The following GPT2 variants were observed in gnomAD, a reference collection of about 807,000 sequenced individuals.
GPT2 encodes the protein alanine aminotransferase 2.
A neutral mutation model predicts 56.9 loss-of-function variants in GPT2; 30 were observed. That is an observed-to-expected ratio of 0.53 (90% confidence interval 0.39 to 0.72). The LOEUF is 0.72. Ranked by LOEUF, GPT2 falls within the 30% of genes least tolerant of loss-of-function variation. The probability of loss-of-function intolerance (pLI) is 0.00; values close to 1 mark genes in which losing one functional copy is unlikely to be tolerated. For synonymous variants in GPT2, 271 were observed against 283.1 expected, an observed-to-expected ratio of 0.96 and a Z score of 0.43; for missense variants, 542 against 703.4, an observed-to-expected ratio of 0.77 and a Z score of 2.60.
intron 5 of GPT2, among the ~76,000 whole-genome samples, chr16:46,907,664 C>G (rs1422821790): frequency 6.6e-6 from 1 of 152,136 alleles, no homozygotes; most frequent in Non-Finnish European, 1.5e-5. Context: ...CGTGGGCTGG[C>G]AAGGCAGCTG....
chr16:46,893,782 A>G (rs1055990820), intron 2 of GPT2, among the ~76,000 whole-genome samples: 3 of 151,794 alleles, frequency 2.0e-5, no homozygotes, highest in Non-Finnish European at 4.4e-5. Flanking sequence ...TCTGGGAGGG[A>G]TATGTGCAGG....
chr16:46,901,786 C>T (rs1479310533), intron 4 of GPT2, among the ~76,000 whole-genome samples: 1 of 152,220 alleles, frequency 6.6e-6, no homozygotes, highest in African/African-American at 2.4e-5. Context: ...CCTGCCCTCC[C>T]TTTGAGTCTG....
rs1357874497 is a variant in GPT2 at position 46,931,048 on chromosome 16, C to G, written c.*2051C>G. ...TGAAGTTTCTGTCATTCGTCCAGAT[C>G]TGTGTGTGTAGCATGTGCTGAGGAA... On this transcript the variant is annotated 3_prime_UTR_variant, in exon 12 of 12. Coordinates refer to ENST00000340124, the MANE Select transcript of GPT2 (RefSeq NM_133443.4). 6.6e-6 allele frequency: 1 copy of G among 152,302 alleles called. No homozygotes were observed. The highest frequency in any genetic ancestry group is 1.5e-5 in the Non-Finnish European group (1 of 68,044). The allele number at this position is 152,302 out of a possible 1,614,324, so 9.4% of individuals were successfully genotyped here.
rs946232554 is a variant in GPT2, at chr16:46,918,884, G to T, written c.1037+127G>T. On this transcript the variant is annotated intron_variant, in intron 8 of 11. Coordinates refer to ENST00000340124, the MANE Select transcript of GPT2 (RefSeq NM_133443.4). ...AAGGCTGCCCTTATCTGTTGCTTCT[G>T]CTGCATCTCCCCAGTGGGAGAGCCG... 3 of 1,150,366 alleles carry T rather than the reference G, an allele frequency of 2.6e-6. No homozygotes were observed. The African/African-American group carries it at 4.6e-5, about 18-fold the overall frequency. The allele number at this position is 1,150,366 out of a possible 1,614,324, so 71.3% of individuals were successfully genotyped here. A position where few individuals can be genotyped will look rare whatever the true frequency, so the allele number is the denominator to read the frequency against.
intron 6 of GPT2, among the ~76,000 whole-genome samples, chr16:46,913,614 T>C (rs899397418): frequency 6.6e-6 from 1 of 152,252 alleles, no homozygotes; most frequent in African/African-American, 2.4e-5. Context: ...GAAATTCTAA[T>C]GGAATCATGC....
intron 5 of GPT2, 150 bp downstream of exon 5, chr16:46,907,125 CTT>C: frequency 1.0e-6 from 1 of 973,972 alleles, no homozygotes; most frequent in Non-Finnish European, 1.5e-6. Context: ...AGCCTGCAGT[CTT>C]TGCCTCTTTT....
chr16:46,885,435 CCA>C (rs1960465358), intron 2 of GPT2: 1 of 972,000 alleles, frequency 1.0e-6, no homozygotes, highest in Non-Finnish European at 1.2e-6. Flanking sequence ...GTTCTGTTCC[CCA>C]GTCTCTTTCT....
chr16:46,908,523 C>T (rs1486847308), intron 5 of GPT2, among the ~76,000 whole-genome samples: 1 of 152,202 alleles, frequency 6.6e-6, no homozygotes, highest in Non-Finnish European at 1.5e-5. Flanking sequence ...GGCTTTGTTT[C>T]CTGACCTGTA....
At chr16:46,897,824 A>G (rs1233501503) in intron 3 of GPT2, 87 bp downstream of exon 3, 2 of 1,122,474 alleles carry the variant, frequency 1.8e-6, no homozygotes, top group Admixed American at 1.9e-5. Flanking sequence ...TGCCCCCTCG[A>G]TGTCCAGGCC....
chr16:46,885,105 C>G, intron 2 of GPT2, 147 bp downstream of exon 2: 1 of 1,351,694 alleles, frequency 7.4e-7, no homozygotes, highest in Non-Finnish European at 9.5e-7. Context: ...AGAATGCCCC[C>G]TCCCGCCCGT....
chr16:46,893,520 C>A (rs1190537573), intron 2 of GPT2, among the ~76,000 whole-genome samples: 1 of 152,222 alleles, frequency 6.6e-6, no homozygotes, highest in Non-Finnish European at 1.5e-5. Context: ...CTTCCGTGGG[C>A]CGCCTTTTTG....
At chr16:46,910,860 T>A (rs1466325362) in intron 6 of GPT2, among the ~76,000 whole-genome samples, 4 of 152,150 alleles carry the variant, frequency 2.6e-5, no homozygotes, top group Non-Finnish European at 5.9e-5. Context: ...GCACTGGGAT[T>A]ATAGGCATGA....
intron 11 of GPT2, 66 bp downstream of exon 11, chr16:46,927,103 C>T (rs1961433276): frequency 9.9e-7 from 1 of 1,013,524 alleles, no homozygotes; most frequent in South Asian, 1.6e-5. Context: ...GACTTCTTGA[C>T]ATGGAGCAGA....
At chr16:46,902,407 T>C (rs1960836576) in intron 4 of GPT2, among the ~76,000 whole-genome samples, 1 of 152,132 alleles carries the variant, frequency 6.6e-6, no homozygotes, top group African/African-American at 2.4e-5. Flanking sequence ...TTGTTAGCTG[T>C]AGACAAGCCC....
chr16:46,885,532 G>A (rs1237640586), intron 2 of GPT2: 1 of 985,200 alleles, frequency 1.0e-6, no homozygotes, highest in Non-Finnish European at 1.2e-6. Flanking sequence ...CCCCTCTGGA[G>A]CCTTGGCCGA....
chr16:46,915,016 C>T (rs939283661), intron 6 of GPT2, among the ~76,000 whole-genome samples: 9 of 152,114 alleles, frequency 5.9e-5, no homozygotes, highest in Non-Finnish European at 2.9e-5. Flanking sequence ...CTCCTGAGCT[C>T]AAGCAATCCT....
chr16:46,927,389 C>G (rs1359929755), intron 11 of GPT2, among the ~76,000 whole-genome samples: 9 of 152,230 alleles, frequency 5.9e-5, no homozygotes, highest in Admixed American at 2.6e-4. Flanking sequence ...GCTGCCAGTG[C>G]CTGGAGTGGT....
At chr16:46,896,258 G>A (rs866566120) in intron 2 of GPT2, among the ~76,000 whole-genome samples, 39 of 152,268 alleles carry the variant, frequency 2.6e-4, no homozygotes, top group Middle Eastern at 3.4e-3. Flanking sequence ...GGATTCCCAC[G>A]TTTCCAGGTC....
chr16:46,918,617 G>T lies in GPT2; in HGVS notation c.901-4G>T. On this transcript the variant is annotated splice_region_variant and splice_polypyrimidine_tract_variant and intron_variant, in intron 7 of 11. Coordinates refer to ENST00000340124, the MANE Select transcript of GPT2 (RefSeq NM_133443.4). ...TGGTGACCGTCCCTGCCGTGCCCCC[G>T]CAGGTGTACCAGGACAACGTGTACT... is the stretch of plus-strand genomic sequence containing the variant. 6.2e-7 allele frequency: 1 copy of T among 1,613,988 alleles called. No individual in the cohort carries two copies. The highest frequency in any genetic ancestry group is 8.5e-7 in the Non-Finnish European group (1 of 1,179,924).
Sources: allele counts gnomAD v4.1 joint callset (sites outside exome capture counted in the v4.1 genomes callset), GRCh38; gene constraint gnomAD v4.1.1; transcripts MANE v1.5; gene names NCBI Gene and HGNC (gene_info 2026-07-23, HGNC 2026-07-21).